The following LAMC2 variants were observed in gnomAD, a reference collection of about 807,000 sequenced individuals.
LAMC2 encodes the protein laminin subunit gamma-2.
In LAMC2, 97 loss-of-function variants were observed where a neutral mutation model predicts 140.2. The observed-to-expected ratio is 0.69, with a 90% CI of 0.59 to 0.82. LAMC2 has a LOEUF of 0.82. LAMC2 is among the 40% of genes least tolerant of loss of function. The pLI, the probability that LAMC2 is intolerant of heterozygous loss-of-function variation, is 0.00. For synonymous variants in LAMC2, 513 were observed against 540.2 expected (o/e 0.95, Z 0.70); for missense variants, 1,402 against 1,476.1 (o/e 0.95, Z 0.82).
intron 2 of LAMC2, among the ~76,000 whole-genome samples, chr1:183,209,470 G>A (rs1659006955): frequency 6.6e-6 from 1 of 152,196 alleles, no homozygotes; most frequent in East Asian, 1.9e-4. Flanking sequence ...CTAAGTTGCT[G>A]TCACAATGTG....
chr1:183,213,539 T>C lies in LAMC2; in HGVS notation c.269-1914T>C, dbSNP rs547025677. Among the ~76,000 whole-genome samples the C allele has an allele frequency of 1.4e-3, 218 of 152,284 alleles. 1 individual carries two copies. The highest frequency in any genetic ancestry group is 5.0e-3 in the African/African-American group (209 of 41,548). ...GATATAGGCTGGGTGCCCTGGGTCA[T>C]GCCTATAATCCCAGCACTTTGGGAG... On this transcript the variant is annotated intron_variant, in intron 2 of 22. Transcript: ENST00000264144.
rs533888084 is a variant in LAMC2, at chr1:183,210,802, A to T, written c.268+2733A>T. 2.6e-5 allele frequency among the ~76,000 whole-genome samples: 4 copies of T among 152,354 alleles called. No homozygotes were observed. In the South Asian group the frequency reaches 8.3e-4, roughly 32 times the overall value. ...ACTGTTAAAGAGATGAAGAAACTGA[A>T]CTTTCAGGGTCCAAACTGCAGAGGC... On this transcript the variant is annotated intron_variant, in intron 2 of 22. Coordinates refer to ENST00000264144, the MANE Select transcript of LAMC2 (RefSeq NM_005562.3).
chr1:183,213,630 T>C (rs1199000206), intron 2 of LAMC2, among the ~76,000 whole-genome samples: 2 of 149,846 alleles, frequency 1.3e-5, no homozygotes, highest in African/African-American at 5.0e-5. Flanking sequence ...TGAAATCCCG[T>C]CTCTACTAAA....
Position 183,240,356 on chromosome 1 carries a change from C to G in LAMC2, c.3293C>G (p.Thr1098Arg). The change falls in exon 22 of 23, where the codon ACA becomes AGA. Residue 1098 changes from threonine to arginine, a missense_variant. Physicochemically the swap from Thr to Arg is moderately conservative, Grantham distance 71. Around this residue, in one of 3 missense-constraint regions of LAMC2, gnomAD observed 670 missense variants for 667.2 expected, o/e 1.00. Transcript: ENST00000264144. ...AKNAGVTIQD[T>R]LNTLDGLLHL... ...AACGCTGGGGTTACAATCCAAGACA[C>G]ACTCAACACATTAGACGGCCTCCTG... 1 of 1,614,228 alleles carries G rather than the reference C, an allele frequency of 6.2e-7. No individual in the cohort carries two copies. Among genetic ancestry groups the G allele is most frequent in the Non-Finnish European group, 8.5e-7 (1 of 1,180,034 alleles).
downstream of LAMC2, among the ~76,000 whole-genome samples, chr1:183,245,614 G>A (rs756414120): frequency 6.6e-6 from 1 of 152,198 alleles, no homozygotes; most frequent in Non-Finnish European, 1.5e-5. Flanking sequence ...AGGGCCTCAC[G>A]TGCCATGGTC....
intron 12 of LAMC2, 36 bp from the exon 13 acceptor site, chr1:183,232,151 T>C (rs1437339202): frequency 1.2e-6 from 2 of 1,612,316 alleles, no homozygotes; most frequent in Middle Eastern, 2.0e-4. Flanking sequence ...GTACATGGTC[T>C]CCACCCTCGT....
At chr1:183,220,422 C>A (rs1659431728) in intron 4 of LAMC2, among the ~76,000 whole-genome samples, 1 of 151,986 alleles carries the variant, frequency 6.6e-6, no homozygotes, top group Non-Finnish European at 1.5e-5. Context: ...CCTCACCTTT[C>A]CTGGTCCCCA....
In LAMC2 at chr1:183,243,160, T is replaced by A. The variant is rs1236018596; in HGVS notation, c.3342T>A (p.Ser1114Arg). The change falls in exon 23 of 23, where the codon AGT (serine) becomes AGA (arginine). Residue 1114 changes from serine to arginine, a missense_variant. Physicochemically the swap from Ser to Arg is moderately radical, Grantham distance 110. This residue lies in a region of LAMC2 where 670 missense variants were observed against 667.2 expected (regional missense o/e 1.00). Transcript: ENST00000264144. ...TCCTTGAAATAGACCAGCCTCTCAG[T>A]GTAGATGAAGAGGGGCTGGTCTTAC... The part of the protein sequence containing the change: ...GLLHLMDQPL[S>R]VDEEGLVLLE... 7 of 1,613,672 alleles carry A rather than the reference T, an allele frequency of 4.3e-6. No homozygotes were observed. Among genetic ancestry groups the A allele is most frequent in the African/African-American group, 2.7e-5 (2 of 74,832 alleles).
intron 7 of LAMC2, among the ~76,000 whole-genome samples, chr1:183,225,326 G>A (rs746011333): frequency 1.3e-5 from 2 of 152,208 alleles, no homozygotes; most frequent in Non-Finnish European, 2.9e-5. Flanking sequence ...AGAAAGTGGT[G>A]TCTGAGAACT....
rs73049782 is a variant in LAMC2 at position 183,227,098 on chromosome 1, C to A, written c.1285+182C>A. 0.016 allele frequency among the ~76,000 whole-genome samples: 2,443 copies of A among 152,174 alleles called. 70 individuals are homozygous for A. The highest frequency in any genetic ancestry group is 0.056 in the African/African-American group (2,336 of 41,492). On this transcript the variant is annotated intron_variant, in intron 9 of 22. Transcript: ENST00000264144. ...CTCAATCCTCTTCACTGTGGAAATG[C>A]CACAAAGTTGTGAGAAAGGTGCCAG... is the stretch of plus-strand genomic sequence containing the variant.
intron 1 of LAMC2, among the ~76,000 whole-genome samples, chr1:183,200,847 G>A (rs1658685160): frequency 6.6e-6 from 1 of 152,200 alleles, no homozygotes; most frequent in Non-Finnish European, 1.5e-5. Context: ...TTCCTAAGAA[G>A]CACCTTGAGG....
chr1:183,256,261 T>C, the LAMC2 span, among the ~76,000 whole-genome samples: 1 of 151,782 alleles, frequency 6.6e-6, no homozygotes, highest in Non-Finnish European at 1.5e-5. Flanking sequence ...CACAAAAAAT[T>C]AGCTGGGCAT....
At chr1:183,223,826 A>C (rs2102225438) in intron 7 of LAMC2, among the ~76,000 whole-genome samples, 1 of 152,270 alleles carries the variant, frequency 6.6e-6, no homozygotes, top group South Asian at 2.1e-4. Flanking sequence ...GGTAGGAGAA[A>C]GAGGTGGGAG....
chr1:183,238,455 T>A, intron 19 of LAMC2, 34 bp downstream of exon 19: 3 of 1,420,214 alleles, frequency 2.1e-6, no homozygotes, highest in Non-Finnish European at 3.0e-6. Flanking sequence ...ACTTGAGTAT[T>A]TTAAGTGTAT....
the LAMC2 span, among the ~76,000 whole-genome samples, chr1:183,257,844 A>G: frequency 7.0e-6 from 1 of 143,866 alleles, no homozygotes; most frequent in Non-Finnish European, 1.5e-5. Flanking sequence ...TGGTTTTTCT[A>G]TTCTCTATTT....
At chr1:183,231,690 A>T (rs1659805348) in intron 12 of LAMC2, among the ~76,000 whole-genome samples, 1 of 152,256 alleles carries the variant, frequency 6.6e-6, no homozygotes, top group Non-Finnish European at 1.5e-5. Context: ...CTTGTTAATT[A>T]TTAACTATTT....
At chr1:183,252,724 C>G in the LAMC2 span, 1 of 1,613,860 alleles carries the variant, frequency 6.2e-7, no homozygotes, top group Non-Finnish European at 8.5e-7. Context: ...ACATGGCCGT[C>G]CCCATGCTGC....
intron 2 of LAMC2, among the ~76,000 whole-genome samples, chr1:183,215,024 A>G (rs1659208155): frequency 6.6e-6 from 1 of 152,158 alleles, no homozygotes; most frequent in South Asian, 2.1e-4. Context: ...AAATCATACC[A>G]CATAAGCACT....
chr1:183,196,090 C>T (rs1658503875), intron 1 of LAMC2, among the ~76,000 whole-genome samples: 1 of 151,884 alleles, frequency 6.6e-6, no homozygotes, highest in Non-Finnish European at 1.5e-5. Context: ...AGATTGCATA[C>T]ATAATATGCA....
Sources: gnomAD v4.1 joint callset for allele counts (sites outside exome capture counted in the v4.1 genomes callset) on GRCh38, gnomAD v4.1.1 for gene constraint, gnomAD v4.1.1 regional missense constraint, MANE v1.5 for transcripts, NCBI Gene and HGNC (gene_info 2026-07-23, HGNC 2026-07-21) for gene names.